Variants in KCNIP4 observed in about 807,000 individuals in gnomAD.
KCNIP4 encodes potassium voltage-gated channel interacting protein 4, also known as Kv channel-interacting protein 4.
Under a neutral mutation model 34.0 loss-of-function variants are expected in KCNIP4, and 12 were observed. The observed-to-expected ratio is 0.35, with a 90% CI of 0.23 to 0.57. KCNIP4 has a LOEUF of 0.57. KCNIP4 is among the 20% of genes least tolerant of loss of function. The pLI is 0.83. For missense variants in KCNIP4, 238 were observed against 311.7 expected (o/e 0.76, Z 1.78); for synonymous variants, 124 against 102.2 (o/e 1.21, Z -1.29).
At chr4:21,380,804 C>G (rs2109474702) in intron 1 of KCNIP4, among the ~76,000 whole-genome samples, 1 of 151,594 alleles carries the variant, frequency 6.6e-6, no homozygotes, top group East Asian at 2.0e-4. Context: ...AATACCTTTC[C>G]CCACTACTCA....
intron 1 of KCNIP4, among the ~76,000 whole-genome samples, chr4:21,705,482 C>A (rs1279645703): frequency 6.6e-6 from 1 of 151,800 alleles, no homozygotes; most frequent in African/African-American, 2.4e-5. Flanking sequence ...TTAAAAATAC[C>A]TTTTGAGCCC....
At chr4:21,209,121 T>A (rs760036600) in intron 1 of KCNIP4, among the ~76,000 whole-genome samples, 5 of 152,176 alleles carry the variant, frequency 3.3e-5, no homozygotes, top group Admixed American at 3.3e-4. Flanking sequence ...TAAATATTTA[T>A]TGTTGTTTTT....
chr4:21,378,915 C>A (rs1721218946), intron 1 of KCNIP4, among the ~76,000 whole-genome samples: 2 of 152,072 alleles, frequency 1.3e-5, no homozygotes, highest in Admixed American at 6.6e-5. Flanking sequence ...GGGTTGAAAT[C>A]ATATATTCTT....
chr4:20,812,440 GA>G (rs1715882834), intron 3 of KCNIP4, among the ~76,000 whole-genome samples: 1 of 152,092 alleles, frequency 6.6e-6, no homozygotes, highest in South Asian at 2.1e-4. Flanking sequence ...AAGAGATAAA[GA>G]ACAATGAGAG....
chr4:21,070,282 C>T (rs1171629707), intron 1 of KCNIP4, among the ~76,000 whole-genome samples: 1 of 152,146 alleles, frequency 6.6e-6, no homozygotes, highest in East Asian at 1.9e-4. Flanking sequence ...TAAAAATAAA[C>T]TGCTGTGAAC....
intron 1 of KCNIP4, among the ~76,000 whole-genome samples, chr4:21,465,945 A>G (rs2109789474): frequency 6.6e-6 from 1 of 152,300 alleles, no homozygotes; most frequent in South Asian, 2.1e-4. Flanking sequence ...TGGAGCAAGA[A>G]CACCAAAGAA....
intron 1 of KCNIP4, among the ~76,000 whole-genome samples, chr4:21,735,380 T>C (rs1309341666): frequency 6.6e-6 from 1 of 152,182 alleles, no homozygotes; most frequent in Non-Finnish European, 1.5e-5. Context: ...AGATTACAAA[T>C]ACTTAAAACT....
At chr4:21,760,122 G>T (rs1301164032) in intron 1 of KCNIP4, among the ~76,000 whole-genome samples, 1 of 151,996 alleles carries the variant, frequency 6.6e-6, no homozygotes, top group African/African-American at 2.4e-5. Flanking sequence ...TTGCCGTGCA[G>T]CTCAATTACT....
chr4:21,220,561 T>C (rs879313320), intron 1 of KCNIP4, among the ~76,000 whole-genome samples: 1 of 151,640 alleles, frequency 6.6e-6, no homozygotes. Flanking sequence ...AGTATAATAA[T>C]AAATAATAAT....
intron 1 of KCNIP4, among the ~76,000 whole-genome samples, chr4:21,722,131 C>G (rs1264715285): frequency 2.6e-5 from 4 of 152,108 alleles, no homozygotes; most frequent in Non-Finnish European, 5.9e-5. Flanking sequence ...AGTCTTTCAC[C>G]AGTACAAACA....
chr4:21,795,990 A>T (rs1297872236), intron 1 of KCNIP4, among the ~76,000 whole-genome samples: 1 of 152,094 alleles, frequency 6.6e-6, no homozygotes, highest in Non-Finnish European at 1.5e-5. Context: ...AATCACTTGA[A>T]CCCAGGAGGC....
At chr4:21,264,805 G>A (rs1216605824) in intron 1 of KCNIP4, among the ~76,000 whole-genome samples, 1 of 152,034 alleles carries the variant, frequency 6.6e-6, no homozygotes, top group Non-Finnish European at 1.5e-5. Context: ...AACATTTAAA[G>A]CGGGTCTTAA....
At chr4:21,741,294 G>T (rs1391182103) in intron 1 of KCNIP4, among the ~76,000 whole-genome samples, 1 of 152,152 alleles carries the variant, frequency 6.6e-6, no homozygotes, top group South Asian at 2.1e-4. Context: ...TGAAAAGATA[G>T]ATAAACTCGA....
At chr4:20,868,802 A>T (rs1723127164) in intron 2 of KCNIP4, among the ~76,000 whole-genome samples, 1 of 152,118 alleles carries the variant, frequency 6.6e-6, no homozygotes, top group Non-Finnish European at 1.5e-5. Flanking sequence ...CATGGAAATA[A>T]ATATGGGAAC....
chr4:21,078,062 G>A (rs997379067), intron 1 of KCNIP4, among the ~76,000 whole-genome samples: 2 of 152,048 alleles, frequency 1.3e-5, no homozygotes, highest in African/African-American at 4.8e-5. Context: ...TCTAGCAGGA[G>A]GGAACATGGT....
chr4:20,900,331 G>T (rs1217298689), intron 1 of KCNIP4, among the ~76,000 whole-genome samples: 3 of 152,210 alleles, frequency 2.0e-5, no homozygotes, highest in African/African-American at 7.2e-5. Context: ...GGGATGATCA[G>T]AAGTCTGAAA....
intron 1 of KCNIP4, among the ~76,000 whole-genome samples, chr4:21,021,192 TAGA>T (rs948830491): frequency 5.8e-4 from 89 of 152,278 alleles, no homozygotes; most frequent in African/African-American, 2.1e-3. Flanking sequence ...TACCTGAACA[TAGA>T]AGAAGTACAG....
chr4:21,936,556 T>C (rs990667218), intron 1 of KCNIP4, among the ~76,000 whole-genome samples: 3 of 152,020 alleles, frequency 2.0e-5, no homozygotes, highest in Non-Finnish European at 4.4e-5. Context: ...AAGTACCATA[T>C]CAACAGAGAC....
intron 1 of KCNIP4, among the ~76,000 whole-genome samples, chr4:21,435,261 G>T (rs1225075851): frequency 1.3e-5 from 2 of 152,208 alleles, no homozygotes; most frequent in Non-Finnish European, 2.9e-5. Flanking sequence ...ATATATGTTT[G>T]AGGGGGTATA....
Sources: allele counts gnomAD v4.1 joint callset (sites outside exome capture counted in the v4.1 genomes callset), GRCh38; gene constraint gnomAD v4.1.1; transcripts MANE v1.5; gene names NCBI Gene and HGNC (gene_info 2026-07-23, HGNC 2026-07-21).